Variants in NLRP5 observed in about 807,000 individuals in gnomAD.
The protein encoded by NLRP5 is NLR family pyrin domain containing 5.
Under a neutral mutation model 113.1 loss-of-function variants are expected in NLRP5, and 93 were observed. The observed-to-expected ratio is 0.82, with a 90% CI of 0.70 to 0.98. The LOEUF (loss-of-function observed/expected upper bound fraction) is 0.98. NLRP5 is among the 50% of genes least tolerant of loss of function. NLRP5 has a pLI of 0.00. For synonymous variants in NLRP5, 751 were observed against 600.7 expected, an observed-to-expected ratio of 1.25 and a Z score of -3.66; for missense variants, 1,808 against 1,514.3, an observed-to-expected ratio of 1.19 and a Z score of -3.22.
upstream of NLRP5, among the ~76,000 whole-genome samples, chr19:55,999,428 C>T (rs1386201533): frequency 1.3e-5 from 2 of 151,916 alleles, no homozygotes; most frequent in Non-Finnish European, 2.9e-5. Flanking sequence ...GTTAGCCAGG[C>T]TGGTCTCGAC....
intron 3 of NLRP5, among the ~76,000 whole-genome samples, chr19:56,010,466 T>G (rs1456757457): frequency 4.6e-5 from 7 of 151,932 alleles, no homozygotes; most frequent in Non-Finnish European, 8.8e-5. Flanking sequence ...CCTCAAAGGC[T>G]GGGCGCGGTG....
intron 6 of NLRP5, among the ~76,000 whole-genome samples, chr19:56,024,449 A>G (rs1982748291): frequency 6.8e-6 from 1 of 146,880 alleles, no homozygotes; most frequent in Admixed American, 6.9e-5. Flanking sequence ...ATATATTTAT[A>G]TATACGTACA....
At chr19:56,058,119 G>GT (rs1984223564) in intron 13 of NLRP5, 121 bp from the exon 14 acceptor site, 2 of 795,142 alleles carry the variant, frequency 2.5e-6, no homozygotes, top group Non-Finnish European at 3.8e-6. Context: ...TTCATTTTTT[G>GT]TTTGTTTTTG....
chr19:56,011,836 C>G (rs7246639), intron 3 of NLRP5, among the ~76,000 whole-genome samples: 1 of 151,248 alleles, frequency 6.6e-6, no homozygotes, highest in Admixed American at 6.6e-5. Flanking sequence ...GGATTACACA[C>G]GCGCGCCACC....
At chr19:56,023,710 T>C (rs955451173) in intron 6 of NLRP5, among the ~76,000 whole-genome samples, 1 of 152,176 alleles carries the variant, frequency 6.6e-6, no homozygotes, top group Admixed American at 6.6e-5. Flanking sequence ...GCGTAGGTTA[T>C]ATGCAGTTAT....
At chr19:56,018,953 CT>C (rs1429121394) in intron 4 of NLRP5, among the ~76,000 whole-genome samples, 1 of 152,150 alleles carries the variant, frequency 6.6e-6, no homozygotes, top group Non-Finnish European at 1.5e-5. Context: ...GCCACCATCC[CT>C]GGCTAACTTT....
At chr19:56,031,499 T>TTACA (rs1983112183) in intron 7 of NLRP5, among the ~76,000 whole-genome samples, 2 of 151,734 alleles carry the variant, frequency 1.3e-5, no homozygotes, top group Non-Finnish European at 2.9e-5. Context: ...GGCATGGTGG[T>TTACA]GGGCACCTGT....
chr19:56,036,759 C>T lies in NLRP5; in HGVS notation c.2616-1266C>T, dbSNP rs942803803. Among the ~76,000 whole-genome samples the T allele has an allele frequency of 7.2e-5, 11 of 152,182 alleles. 1 individual carries two copies. The highest frequency in any genetic ancestry group is 1.3e-4 in the Non-Finnish European group (9 of 68,006). ...CTCACCTGAGGTCAGGAGATCAAGA[C>T]CAGCCTGGCCAACATGGTGAAACCC... On this transcript the variant is annotated intron_variant, in intron 9 of 14. Coordinates refer to ENST00000390649, the MANE Select transcript of NLRP5 (RefSeq NM_153447.4).
intron 7 of NLRP5, among the ~76,000 whole-genome samples, chr19:56,032,407 C>G (rs540810376): frequency 6.6e-6 from 1 of 151,878 alleles, no homozygotes; most frequent in African/African-American, 2.4e-5. Flanking sequence ...TGCATACCCC[C>G]TCGGGTATCG....
chr19:56,012,399 T>G (rs562847179), intron 3 of NLRP5, among the ~76,000 whole-genome samples: 1 of 151,588 alleles, frequency 6.6e-6, no homozygotes, highest in Non-Finnish European at 1.5e-5. Context: ...CCACCTGCCT[T>G]GGCCTCCCAA....
intron 2 of NLRP5, among the ~76,000 whole-genome samples, chr19:56,006,314 T>G (rs992878179): frequency 1.3e-5 from 2 of 152,092 alleles, no homozygotes; most frequent in Non-Finnish European, 2.9e-5. Flanking sequence ...TTAGGAGATA[T>G]ACCTAATGTA....
At chr19:56,060,236 A>T (rs1335913858) in intron 14 of NLRP5, among the ~76,000 whole-genome samples, 5 of 152,152 alleles carry the variant, frequency 3.3e-5, no homozygotes, top group Non-Finnish European at 7.4e-5. Context: ...TTGACCTATT[A>T]TGGGTCTATT....
intron 9 of NLRP5, 125 bp from the exon 10 acceptor site, chr19:56,037,900 A>G: frequency 2.2e-6 from 2 of 914,296 alleles, no homozygotes; most frequent in Non-Finnish European, 3.3e-6. Flanking sequence ...TCAGGCCCGG[A>G]GGCAGGAGCA....
In NLRP5 at chr19:56,027,689, G is replaced by A. The variant is rs367679358; in HGVS notation, c.1456G>A (p.Val486Met). 6 of 1,613,478 alleles carry A rather than the reference G, an allele frequency of 3.7e-6. No individual in the cohort carries two copies. The highest frequency in any genetic ancestry group is 2.2e-5 in the South Asian group (2 of 91,082). Residue 486 changes from valine to methionine, a missense_variant, in exon 7 of 15, where the codon GTG (valine) becomes ATG (methionine). Coordinates refer to ENST00000390649, the MANE Select transcript of NLRP5 (RefSeq NM_153447.4). ...CTGCGTGGCCCTGCAGCTGCAGGAC[G>A]TGGTGGGGGAGAGCGTCGCCCCCTT...
rs1981750062 is a variant in NLRP5, at chr19:56,003,872, C to T, written c.219C>T (p.Asp73=). Residue 73 remains aspartate, a synonymous_variant, in exon 2 of 15, where the codon GAC becomes GAT. Transcript: ENST00000390649. ...TGCAATGGTGTCTCTATGAGCTAGACAAGGAAGAATTTCAGACATTCAAGG... is the reference window on the plus strand; with the variant it reads ...TGCAATGGTGTCTCTATGAGCTAGATAAGGAAGAATTTCAGACATTCAAGG... The T allele has an allele frequency of 1.2e-6, 2 of 1,613,916 alleles. No individual in the cohort carries two copies. The highest frequency in any genetic ancestry group is 1.6e-4 in the Middle Eastern group (1 of 6,062).
At position 56,017,282 on chromosome 19, in the gene NLRP5, TTTTG is replaced by T. The variant is rs1320455581; in HGVS notation, c.565+1488_565+1491del. 3.3e-5 allele frequency among the ~76,000 whole-genome samples: 5 copies of T among 152,212 alleles called. No individual in the cohort carries two copies. In the East Asian group the frequency reaches 7.7e-4, roughly 24 times the overall value. On this transcript the variant is annotated intron_variant, in intron 4 of 14. Coordinates refer to ENST00000390649, the MANE Select transcript of NLRP5 (RefSeq NM_153447.4). ...TTCTCTATGGTATTTCCATCTTGTA[TTTTG>T]TTTATTTCTTTATTCCCTTTCTCTG...
intron 13 of NLRP5, among the ~76,000 whole-genome samples, chr19:56,055,442 A>G (rs1984095432): frequency 6.7e-6 from 1 of 149,790 alleles, no homozygotes; most frequent in Admixed American, 6.7e-5. Flanking sequence ...ATTTTATTAA[A>G]CTTTATCTTA....
intron 2 of NLRP5, among the ~76,000 whole-genome samples, chr19:56,006,714 A>T (rs1184561813): frequency 6.6e-6 from 1 of 151,752 alleles, no homozygotes; most frequent in African/African-American, 2.4e-5. Flanking sequence ...CCTGGGTGAC[A>T]GAGCGAGACT....
At chr19:56,013,856 C>T (rs1340201818) in intron 3 of NLRP5, among the ~76,000 whole-genome samples, 1 of 152,020 alleles carries the variant, frequency 6.6e-6, no homozygotes. Context: ...TGTAACCATC[C>T]TAGTAGTTAT....
Sources: gnomAD v4.1 joint callset for allele counts (sites outside exome capture counted in the v4.1 genomes callset) on GRCh38, gnomAD v4.1.1 for gene constraint, MANE v1.5 for transcripts, NCBI Gene and HGNC (gene_info 2026-07-23, HGNC 2026-07-21) for gene names.